The following SYNCRIP variants were observed in gnomAD, a reference collection of about 807,000 sequenced individuals.
SYNCRIP encodes synaptotagmin binding cytoplasmic RNA interacting protein.
SYNCRIP carries 9 observed loss-of-function variants against 68.9 expected under a neutral mutation model. The ratio of observed to expected loss-of-function variants is 0.13; its 90% CI spans 0.08 to 0.23. The LOEUF is 0.23. Among genes scored for constraint, SYNCRIP ranks in the 10% least tolerant of loss-of-function variants. SYNCRIP has a pLI of 1.00. For synonymous variants in SYNCRIP, 258 were observed against 254.0 expected, an observed-to-expected ratio of 1.02 and a Z score of -0.15; for missense variants, 414 against 770.6, an observed-to-expected ratio of 0.54 and a Z score of 5.48.
intron 6 of SYNCRIP, among the ~76,000 whole-genome samples, chr6:85,629,516 CA>C (rs781083306): frequency 0.013 from 821 of 64,910 alleles, 1 homozygote; most frequent in Middle Eastern, 0.024. Context: ...ACTAAAAATA[CA>C]AAAAAAAAAA....
chr6:85,634,310 A>G (rs1334728984), intron 6 of SYNCRIP, among the ~76,000 whole-genome samples: 2 of 152,350 alleles, frequency 1.3e-5, no homozygotes, highest in Non-Finnish European at 2.9e-5. Flanking sequence ...AAGTTTCTGG[A>G]AAACATCTAT....
intron 6 of SYNCRIP, among the ~76,000 whole-genome samples, chr6:85,627,468 G>A (rs1309204372): frequency 6.6e-6 from 1 of 151,756 alleles, no homozygotes; most frequent in African/African-American, 2.4e-5. Flanking sequence ...TTTTGTACGT[G>A]TATTTGAATT....
intron 6 of SYNCRIP, among the ~76,000 whole-genome samples, chr6:85,625,546 C>G (rs1334641395): frequency 6.6e-6 from 1 of 152,032 alleles, no homozygotes; most frequent in Non-Finnish European, 1.5e-5. Context: ...TGCCACCATG[C>G]CCGGCTATTT....
chr6:85,612,496 C>T (rs1160975147), downstream of SYNCRIP: 1 of 160,880 alleles, frequency 6.2e-6, no homozygotes, highest in African/African-American at 2.4e-5. Context: ...TTTAAATGCA[C>T]AAATTCAAGA....
intron 1 of SYNCRIP, among the ~76,000 whole-genome samples, chr6:85,642,052 T>A (rs904974651): frequency 2.0e-5 from 3 of 152,122 alleles, no homozygotes; most frequent in Non-Finnish European, 4.4e-5. Flanking sequence ...TCCTACAACT[T>A]CCTTCAACGG....
chr6:85,638,396 A>G (rs1011732345), intron 4 of SYNCRIP, among the ~76,000 whole-genome samples: 1 of 150,132 alleles, frequency 6.7e-6, no homozygotes, highest in Non-Finnish European at 1.5e-5. Context: ...AAAAAAAAAA[A>G]AAAAAAAAAA....
intron 10 of SYNCRIP, among the ~76,000 whole-genome samples, chr6:85,618,374 C>T (rs1806018261): frequency 6.6e-6 from 1 of 151,428 alleles, no homozygotes; most frequent in South Asian, 2.1e-4. Flanking sequence ...AACCCCACCC[C>T]TACTAAAAAA....
rs1805523871 is a variant in SYNCRIP, at chr6:85,614,341, C to T, written c.*415G>A. 1.8e-5 allele frequency: 18 copies of T among 988,044 alleles called. No individual in the cohort carries two copies. Among genetic ancestry groups the T allele is most frequent in the African/African-American group, 8.7e-5 (5 of 57,300 alleles). The allele number at this position is 988,044 out of a possible 1,614,324, so 61.2% of individuals were successfully genotyped here. A position where few individuals can be genotyped will look rare whatever the true frequency, so the allele number is the denominator to read the frequency against. On this transcript the variant is annotated 3_prime_UTR_variant, in exon 11 of 11. Transcript: ENST00000369622. ...AAAATAGCAGTTGTGTATCAATTTA[C>T]CTTATTCTAGCAATTTAAGTTGGTA...
At position 85,613,976 on chromosome 6, in the gene SYNCRIP, T is replaced by C; in HGVS notation, c.*780A>G. On this transcript the variant is annotated 3_prime_UTR_variant, in exon 11 of 11. Transcript: ENST00000369622. Reference sequence around the variant, plus strand: ...CTCTAAAATACTTACCAACTTAAACTTACTACATGTATTATCTTTTTATTT... The same window carrying C: ...CTCTAAAATACTTACCAACTTAAACCTACTACATGTATTATCTTTTTATTT... 1 of 983,056 alleles carries C rather than the reference T, an allele frequency of 1.0e-6. No individual in the cohort carries two copies. Among genetic ancestry groups the C allele is most frequent in the South Asian group, 4.7e-5 (1 of 21,234 alleles). 60.9% of individuals were successfully genotyped at this position (983,056 alleles called of 1,614,324 possible). A position where few individuals can be genotyped will look rare whatever the true frequency, so the allele number is the denominator to read the frequency against.
chr6:85,641,750 G>A (rs1433569481), intron 1 of SYNCRIP, among the ~76,000 whole-genome samples: 2 of 152,168 alleles, frequency 1.3e-5, no homozygotes, highest in African/African-American at 4.8e-5. Flanking sequence ...CGTGCCACAT[G>A]CAGCTGTGCC....
chr6:85,611,527 G>A (rs141099430), downstream of SYNCRIP: 12 of 152,604 alleles, frequency 7.9e-5, no homozygotes, highest in East Asian at 2.3e-3. Context: ...TTGGGGAAGG[G>A]GGGAGGGGAT....
chr6:85,631,441 A>T (rs1807777755), intron 6 of SYNCRIP, among the ~76,000 whole-genome samples: 1 of 151,608 alleles, frequency 6.6e-6, no homozygotes, highest in East Asian at 1.9e-4. Context: ...ACTTGTCTGG[A>T]TAGGGCCTTG....
At chr6:85,618,714 A>G (rs950655518) in intron 10 of SYNCRIP, 104 bp downstream of exon 10, 7 of 955,066 alleles carry the variant, frequency 7.3e-6, no homozygotes, top group Middle Eastern at 3.4e-4. Flanking sequence ...TCTTCTTTAA[A>G]GAGATGTTAT....
At chr6:85,641,209 C>A in intron 2 of SYNCRIP, 83 bp downstream of exon 2, 1 of 1,195,430 alleles carries the variant, frequency 8.4e-7, no homozygotes, top group Non-Finnish European at 1.2e-6. Context: ...TATTGGAAAC[C>A]ACAAAAAGTT....
intron 6 of SYNCRIP, among the ~76,000 whole-genome samples, chr6:85,635,410 T>C (rs1354443923): frequency 6.6e-6 from 1 of 152,178 alleles, no homozygotes; most frequent in African/African-American, 2.4e-5. Context: ...TAACATAATT[T>C]TGTACTGTTT....
chr6:85,623,563 A>C (rs10699857), intron 7 of SYNCRIP, among the ~76,000 whole-genome samples: 803 of 5,168 alleles, frequency 0.16, 22 homozygotes, highest in East Asian at 0.3. Context: ...GACTGTCTCC[A>C]AAAAAAAAAA....
downstream of SYNCRIP, chr6:85,612,722 G>A (rs1279980912): frequency 1.3e-5 from 8 of 612,300 alleles, no homozygotes; most frequent in African/African-American, 9.5e-5. Context: ...CAAAGTCCAA[G>A]TATTAGTTCA....
upstream of SYNCRIP, among the ~76,000 whole-genome samples, chr6:85,643,499 C>T (rs1361710638): frequency 2.6e-5 from 4 of 152,048 alleles, no homozygotes; most frequent in African/African-American, 9.7e-5. Flanking sequence ...AGGCCCGCCC[C>T]TTCCCCTCCC....
intron 8 of SYNCRIP, among the ~76,000 whole-genome samples, chr6:85,622,170 G>A (rs1051032789): frequency 1.3e-5 from 2 of 152,156 alleles, no homozygotes; most frequent in South Asian, 2.1e-4. Context: ...TCAGGAGTTC[G>A]AGACCAGTCT....
Sources: gnomAD v4.1 joint callset for allele counts (sites outside exome capture counted in the v4.1 genomes callset) on GRCh38, gnomAD v4.1.1 for gene constraint, MANE v1.5 for transcripts, NCBI Gene and HGNC (gene_info 2026-07-23, HGNC 2026-07-21) for gene names.